SMAD3: variants seen among roughly 807,000 people sequenced by gnomAD.
The protein encoded by SMAD3 is MAD homolog 3.
Under a neutral mutation model 51.8 loss-of-function variants are expected in SMAD3, and 12 were observed. The ratio of observed to expected loss-of-function variants is 0.23; its 90% confidence interval spans 0.15 to 0.38. The LOEUF (loss-of-function observed/expected upper bound fraction) is 0.38, where lower values mean the gene tolerates loss of function less well. Among genes scored for constraint, SMAD3 ranks in the 10% least tolerant of loss-of-function variants. The pLI, the probability that SMAD3 is intolerant of heterozygous loss-of-function variation, is 1.00. For missense variants in SMAD3, 294 were observed against 565.6 expected (o/e 0.52, Z 4.87); for synonymous variants, 238 against 227.7 (o/e 1.05, Z -0.41).
chr15:67,134,355 C>T (rs1273072564), intron 1 of SMAD3, among the ~76,000 whole-genome samples: 1 of 152,188 alleles, frequency 6.6e-6, no homozygotes, highest in Non-Finnish European at 1.5e-5. Context: ...TGAACGGGGC[C>T]TTTAAGATGC....
intron 1 of SMAD3, among the ~76,000 whole-genome samples, chr15:67,134,422 C>G (rs1265756479): frequency 2.6e-5 from 4 of 152,112 alleles, no homozygotes; most frequent in Non-Finnish European, 5.9e-5. Context: ...TTCCCCTGAC[C>G]TATTTGAGGT....
At chr15:67,141,897 A>T (rs1297496141) in intron 1 of SMAD3, among the ~76,000 whole-genome samples, 1 of 152,076 alleles carries the variant, frequency 6.6e-6, no homozygotes, top group Non-Finnish European at 1.5e-5. Context: ...TTGCCTGGGG[A>T]TGAGGTGGGG....
chr15:67,102,865 C>T (rs1960791663), intron 1 of SMAD3, among the ~76,000 whole-genome samples: 1 of 152,134 alleles, frequency 6.6e-6, no homozygotes, highest in Non-Finnish European at 1.5e-5. Context: ...CATCATAGCT[C>T]CTCTTCAATG....
chr15:67,123,562 A>G (rs1052203871), intron 1 of SMAD3, among the ~76,000 whole-genome samples: 1 of 152,224 alleles, frequency 6.6e-6, no homozygotes, highest in Admixed American at 6.5e-5. Context: ...GCATATTACA[A>G]GTGTTAGTAA....
At chr15:67,158,253 C>G (rs139777780) in intron 1 of SMAD3, among the ~76,000 whole-genome samples, 1 of 152,200 alleles carries the variant, frequency 6.6e-6, no homozygotes, top group Non-Finnish European at 1.5e-5. Context: ...ATATTAAATC[C>G]AGCAGCTGAA....
chr15:67,104,159 T>G (rs56067504), intron 1 of SMAD3, among the ~76,000 whole-genome samples: 14,861 of 151,908 alleles, frequency 0.098, 810 homozygotes, highest in Middle Eastern at 0.13. Flanking sequence ...CGCCCCCAAC[T>G]TTTGACAACC....
intron 4 of SMAD3, 126 bp from the exon 5 acceptor site, chr15:67,170,427 AC>A (rs1962716240): frequency 1.3e-6 from 1 of 784,076 alleles, no homozygotes; most frequent in South Asian, 1.4e-5. Context: ...TTCTCCTGGG[AC>A]CCCTCAGTCC....
At chr15:67,145,174 G>C in intron 1 of SMAD3, among the ~76,000 whole-genome samples, 1 of 152,192 alleles carries the variant, frequency 6.6e-6, no homozygotes, top group East Asian at 1.9e-4. Flanking sequence ...GTCAAAGACT[G>C]TCAGAAAAGG....
At chr15:67,102,842 C>T (rs1204499266) in intron 1 of SMAD3, among the ~76,000 whole-genome samples, 1 of 152,168 alleles carries the variant, frequency 6.6e-6, no homozygotes, top group Non-Finnish European at 1.5e-5. Context: ...CTCTGCTCCT[C>T]CCAGGTGAGG....
At chr15:67,154,102 G>T (rs936421788) in intron 1 of SMAD3, among the ~76,000 whole-genome samples, 5 of 152,148 alleles carry the variant, frequency 3.3e-5, no homozygotes, top group Non-Finnish European at 5.9e-5. Flanking sequence ...ATCTGCCTGG[G>T]GCACTTGTCA....
At chr15:67,168,958 G>T (rs1419352500) in intron 4 of SMAD3, among the ~76,000 whole-genome samples, 10 of 152,090 alleles carry the variant, frequency 6.6e-5, no homozygotes, top group Non-Finnish European at 1.2e-4. Flanking sequence ...CTACATATGC[G>T]CCCTTTTAGA....
chr15:67,072,059 C>T (rs981473831), intron 1 of SMAD3, among the ~76,000 whole-genome samples: 3 of 152,148 alleles, frequency 2.0e-5, no homozygotes, highest in African/African-American at 7.2e-5. Flanking sequence ...GCATTTAATT[C>T]TGATGAGAAA....
At chr15:67,067,360 G>C (rs571677124) in intron 1 of SMAD3, among the ~76,000 whole-genome samples, 1 of 152,332 alleles carries the variant, frequency 6.6e-6, no homozygotes, top group East Asian at 1.9e-4. Flanking sequence ...GCTTAGATGT[G>C]CCTGGCTGGG....
chr15:67,146,813 C>T (rs189524977), intron 1 of SMAD3: 1 of 152,318 alleles, frequency 6.6e-6, no homozygotes, highest in African/African-American at 2.4e-5. Flanking sequence ...CTCCATTTCT[C>T]CCTCCTGCTT....
chr15:67,176,422 C>T (rs1012127474), intron 5 of SMAD3, among the ~76,000 whole-genome samples: 1 of 152,144 alleles, frequency 6.6e-6, no homozygotes, highest in Non-Finnish European at 1.5e-5. Flanking sequence ...TGAGGTGGGC[C>T]CAGCAGAAAC....
intron 6 of SMAD3, among the ~76,000 whole-genome samples, chr15:67,182,453 G>A (rs560782837): frequency 1.3e-5 from 2 of 152,272 alleles, no homozygotes; most frequent in East Asian, 3.9e-4. Flanking sequence ...TTGTCCTGGA[G>A]CCCCAAGGGT....
intron 1 of SMAD3, among the ~76,000 whole-genome samples, chr15:67,072,287 A>G (rs1349057003): frequency 6.6e-6 from 1 of 152,224 alleles, no homozygotes; most frequent in Non-Finnish European, 1.5e-5. Flanking sequence ...GATGCACAGT[A>G]CAGCCATTAT....
At chr15:67,125,976 C>T in intron 1 of SMAD3, 2 of 985,498 alleles carry the variant, frequency 2.0e-6, no homozygotes, top group Non-Finnish European at 2.4e-6. Context: ...GTTGAGCAAC[C>T]ACGTTTGAGT....
intron 1 of SMAD3, among the ~76,000 whole-genome samples, chr15:67,162,840 G>T (rs967796991): frequency 2.0e-5 from 3 of 151,912 alleles, no homozygotes; most frequent in Non-Finnish European, 4.4e-5. Context: ...CCTCTGAGAT[G>T]CCCTGTCCAG....
Sources: allele counts gnomAD v4.1 joint callset (sites outside exome capture counted in the v4.1 genomes callset), GRCh38; gene constraint gnomAD v4.1.1; transcripts MANE v1.5; gene names NCBI Gene and HGNC (gene_info 2026-07-23, HGNC 2026-07-21).